The following LGR6 variants were observed in gnomAD, a reference collection of about 807,000 sequenced individuals.
LGR6 encodes leucine-rich repeat-containing G protein-coupled receptor 6.
A neutral mutation model predicts 69.4 loss-of-function variants in LGR6; 45 were observed. That is an observed-to-expected ratio of 0.65 (90% CI 0.51 to 0.83). LGR6 has a LOEUF of 0.83. LGR6 is among the 40% of genes least tolerant of loss of function. The pLI is 0.00. For synonymous variants in LGR6, 538 were observed against 555.0 expected, an observed-to-expected ratio of 0.97 and a Z score of 0.43; for missense variants, 1,108 against 1,246.7, an observed-to-expected ratio of 0.89 and a Z score of 1.68.
In LGR6 at chr1:202,204,311, C is replaced by A. The variant is rs202045406; in HGVS notation, c.212+10110C>A. On this transcript the variant is annotated intron_variant, in intron 1 of 17. Coordinates refer to ENST00000367278, the MANE Select transcript of LGR6 (RefSeq NM_001017403.2). The stretch of plus-strand genomic sequence containing the variant: ...ACACACCTGCAAACACACACACACC[C>A]AACACACACCTCCTCCTAACACACA... Among the ~76,000 whole-genome samples the A allele has an allele frequency of 4.7e-5, 5 of 106,188 alleles. No individual in the cohort carries two copies. In the Admixed American group the frequency reaches 5.0e-4, roughly 11 times the overall value. The allele number at this position is 106,188 out of a possible 152,430, so 69.7% of individuals were successfully genotyped here.
At chr1:202,291,968 G>A (rs1230242859) in intron 6 of LGR6, among the ~76,000 whole-genome samples, 1 of 152,214 alleles carries the variant, frequency 6.6e-6, no homozygotes, top group Non-Finnish European at 1.5e-5. Context: ...GTTGGATTGA[G>A]GGAGAAAGGT....
At chr1:202,259,088 T>C (rs1480633784) in intron 4 of LGR6, among the ~76,000 whole-genome samples, 1 of 152,142 alleles carries the variant, frequency 6.6e-6, no homozygotes, top group Non-Finnish European at 1.5e-5. Flanking sequence ...AATTTATTAT[T>C]TTAACATCAC....
At chr1:202,225,351 T>C (rs775336892) in intron 1 of LGR6, 72 bp from the exon 2 acceptor site, 2 of 1,401,856 alleles carry the variant, frequency 1.4e-6, no homozygotes, top group Non-Finnish European at 1.0e-6. Context: ...TCGAGGGGGG[T>C]TGGCACCTGG....
At chr1:202,265,221 G>T (rs979752706) in intron 4 of LGR6, among the ~76,000 whole-genome samples, 1 of 152,144 alleles carries the variant, frequency 6.6e-6, no homozygotes, top group African/African-American at 2.4e-5. Flanking sequence ...TCTCACTCCA[G>T]CTTCTGGTGG....
At chr1:202,282,269 G>T (rs1221143626) in intron 6 of LGR6, among the ~76,000 whole-genome samples, 2 of 152,218 alleles carry the variant, frequency 1.3e-5, no homozygotes, top group Non-Finnish European at 2.9e-5. Flanking sequence ...GGACAGTCTA[G>T]CCCACTCAAT....
At chr1:202,271,450 C>A (rs959398106) in intron 4 of LGR6, among the ~76,000 whole-genome samples, 1 of 151,946 alleles carries the variant, frequency 6.6e-6, no homozygotes, top group African/African-American at 2.4e-5. Flanking sequence ...AGCCAGGTGT[C>A]GACCCTTAGG....
intron 6 of LGR6, among the ~76,000 whole-genome samples, chr1:202,289,065 T>A (rs1666605480): frequency 6.6e-6 from 1 of 152,168 alleles, no homozygotes; most frequent in Non-Finnish European, 1.5e-5. Context: ...GGTGAGAGTA[T>A]GAAGTGTCAC....
intron 4 of LGR6, among the ~76,000 whole-genome samples, chr1:202,250,160 C>T (rs57514680): frequency 0.036 from 5,482 of 152,156 alleles, 311 homozygotes; most frequent in East Asian, 0.25. Flanking sequence ...TTCTCCTTCT[C>T]ACCATCCTAA....
chr1:202,240,386 A>C (rs1662082169), intron 4 of LGR6, among the ~76,000 whole-genome samples: 1 of 151,982 alleles, frequency 6.6e-6, no homozygotes, highest in Non-Finnish European at 1.5e-5. Flanking sequence ...AAAAAAAAAA[A>C]AAAACGACAT....
chr1:202,270,555 G>C (rs1190976520), intron 4 of LGR6, among the ~76,000 whole-genome samples: 1 of 152,140 alleles, frequency 6.6e-6, no homozygotes, highest in African/African-American at 2.4e-5. Flanking sequence ...CTCTGAGTTT[G>C]AGTCCCAGCC....
chr1:202,224,393 C>T (rs1660364554), intron 1 of LGR6, among the ~76,000 whole-genome samples: 1 of 152,106 alleles, frequency 6.6e-6, no homozygotes. Context: ...TGTGGATCCG[C>T]AGAGGGACTG....
chr1:202,253,966 C>T (rs1489683810), intron 4 of LGR6, among the ~76,000 whole-genome samples: 4 of 150,734 alleles, frequency 2.7e-5, no homozygotes, highest in East Asian at 2.0e-4. Flanking sequence ...CCACTACGCC[C>T]GGCTAATTTT....
intron 1 of LGR6, among the ~76,000 whole-genome samples, chr1:202,211,918 A>G (rs1172740013): frequency 6.6e-6 from 1 of 152,202 alleles, no homozygotes; most frequent in Non-Finnish European, 1.5e-5. Flanking sequence ...GAACCTTATC[A>G]TAAATGGGGC....
intron 1 of LGR6, among the ~76,000 whole-genome samples, chr1:202,215,064 A>G (rs1362929396): frequency 2.9e-5 from 3 of 104,730 alleles, no homozygotes; most frequent in African/African-American, 7.5e-5. Context: ...GTTGGGAAGG[A>G]GGGTGCTCTG....
At chr1:202,306,963 G>A (rs374134674) in intron 13 of LGR6, 24 bp downstream of exon 13, 2 of 1,598,824 alleles carry the variant, frequency 1.3e-6, no homozygotes, top group Non-Finnish European at 1.7e-6. Flanking sequence ...TCCAGGGGTG[G>A]GCCATGGAGG....
At chr1:202,298,489 T>C (rs1378582815) in intron 7 of LGR6, 1 of 150,786 alleles carries the variant, frequency 6.6e-6, no homozygotes, top group South Asian at 2.1e-4. Flanking sequence ...TGGAGACTCA[T>C]AAACAGAGCC....
chr1:202,241,288 C>G (rs149681156), intron 4 of LGR6, among the ~76,000 whole-genome samples: 87 of 152,306 alleles, frequency 5.7e-4, no homozygotes, highest in Admixed American at 2.4e-3. Context: ...TGAGCAAACT[C>G]TTGTGGACAT....
At chr1:202,261,840 A>C (rs1664262990) in intron 4 of LGR6, among the ~76,000 whole-genome samples, 1 of 152,172 alleles carries the variant, frequency 6.6e-6, no homozygotes, top group South Asian at 2.1e-4. Flanking sequence ...GCCAGTGATG[A>C]TGAGCATTTT....
chr1:202,254,570 T>C (rs1305851673), intron 4 of LGR6, among the ~76,000 whole-genome samples: 2 of 152,210 alleles, frequency 1.3e-5, no homozygotes, highest in African/African-American at 4.8e-5. Flanking sequence ...CACTTCCCCA[T>C]GCCAGGTGCT....
Sources: allele counts gnomAD v4.1 joint callset (sites outside exome capture counted in the v4.1 genomes callset), GRCh38; gene constraint gnomAD v4.1.1; transcripts MANE v1.5; gene names NCBI Gene and HGNC (gene_info 2026-07-23, HGNC 2026-07-21).